The following DOCK5 variants were observed in gnomAD, a reference collection of about 807,000 sequenced individuals.
DOCK5 encodes dedicator of cytokinesis protein 5.
Under a neutral mutation model 251.8 loss-of-function variants are expected in DOCK5, and 142 were observed. The ratio of observed to expected loss-of-function variants is 0.56; its 90% CI spans 0.49 to 0.65. The LOEUF (loss-of-function observed/expected upper bound fraction) is 0.65, where lower values mean the gene tolerates loss of function less well. Among genes scored for constraint, DOCK5 ranks in the 30% least tolerant of loss-of-function variants. The probability of loss-of-function intolerance (pLI) is 0.00; values close to 1 mark genes in which losing one functional copy is unlikely to be tolerated. For missense variants in DOCK5, 2,111 were observed against 2,312.3 expected, an observed-to-expected ratio of 0.91 and a Z score of 1.79; for synonymous variants, 842 against 835.5, an observed-to-expected ratio of 1.01 and a Z score of -0.13.
chr8:25,363,381 T>C (rs185269940), intron 29 of DOCK5, among the ~76,000 whole-genome samples: 11 of 152,336 alleles, frequency 7.2e-5, no homozygotes, highest in African/African-American at 2.6e-4. Flanking sequence ...AGTGCTCTCA[T>C]GGTAATTGTC....
At chr8:25,309,986 A>G (rs531857728) in intron 12 of DOCK5, among the ~76,000 whole-genome samples, 2 of 152,334 alleles carry the variant, frequency 1.3e-5, no homozygotes, top group South Asian at 4.1e-4. Context: ...TTAAGTAGCA[A>G]GAAAATAATC....
intron 2 of DOCK5, among the ~76,000 whole-genome samples, chr8:25,254,787 ACAAAAC>A (rs1563326258): frequency 0.016 from 2,051 of 130,288 alleles, 451 homozygotes; most frequent in African/African-American, 0.064. Context: ...AAAAAACAAA[ACAAAAC>A]AAAAAAAAAA....
Position 25,210,290 on chromosome 8 carries a change from G to A in DOCK5, c.43+25339G>A, listed in dbSNP as rs1174657108. 3.0e-5 allele frequency among the ~76,000 whole-genome samples: 2 copies of A among 65,814 alleles called. 1 individual carries two copies. Among genetic ancestry groups the A allele is most frequent in the African/African-American group, 7.0e-5 (2 of 28,674 alleles). 43.2% of individuals were successfully genotyped at this position (65,814 alleles called of 152,430 possible). ...ACCTCTTGATGTGTGCATTCTAAGC[G>A]GGAAGAAACAGACAGCAAATGCACA... On this transcript the variant is annotated intron_variant, in intron 1 of 51. Coordinates refer to ENST00000276440, the MANE Select transcript of DOCK5 (RefSeq NM_024940.8).
intron 11 of DOCK5, chr8:25,304,699 G>A (rs1259047797): frequency 5.8e-6 from 1 of 172,928 alleles, no homozygotes. Context: ...CTAGCATAGG[G>A]CTTCTCAGAC....
chr8:25,369,700 C>T (rs76665924), intron 34 of DOCK5, 59 bp downstream of exon 34: 2 of 1,471,176 alleles, frequency 1.4e-6, no homozygotes, highest in Non-Finnish European at 1.9e-6. Context: ...TAGAGAAAAA[C>T]AGGGGTCCTG....
At chr8:25,309,956 A>G (rs1563197204) in intron 12 of DOCK5, among the ~76,000 whole-genome samples, 1 of 152,258 alleles carries the variant, frequency 6.6e-6, no homozygotes, top group Non-Finnish European at 1.5e-5. Context: ...TGAAAATACA[A>G]GATGGGAAAT....
At chr8:25,277,816 T>G (rs575073346) in intron 4 of DOCK5, among the ~76,000 whole-genome samples, 60 of 152,334 alleles carry the variant, frequency 3.9e-4, no homozygotes, top group African/African-American at 1.4e-3. Flanking sequence ...TTCTAAAAAA[T>G]CTTACTATAC....
chr8:25,389,247 G>A lies in DOCK5; in HGVS notation c.4273+15G>A. Reference sequence around the variant, plus strand: ...CCCCAAGCAGTGTATCCTTTCCGGGGGGAGTATGGCCCCGAGGCTCTTATG... The same window carrying A: ...CCCCAAGCAGTGTATCCTTTCCGGGAGGAGTATGGCCCCGAGGCTCTTATG... On this transcript the variant is annotated intron_variant, in intron 41 of 51. Coordinates refer to ENST00000276440, the MANE Select transcript of DOCK5 (RefSeq NM_024940.8). 6.2e-7 allele frequency: 1 copy of A among 1,611,310 alleles called. No individual in the cohort carries two copies. The highest frequency in any genetic ancestry group is 8.5e-7 in the Non-Finnish European group (1 of 1,177,914).
intron 31 of DOCK5, among the ~76,000 whole-genome samples, chr8:25,367,237 C>T (rs1800794192): frequency 6.6e-6 from 1 of 152,184 alleles, no homozygotes. Flanking sequence ...GCTTGCCCAT[C>T]CCCAAGAACA....
chr8:25,403,720 G>C lies in DOCK5; in HGVS notation c.5089G>C (p.Asp1697His), dbSNP rs1801477867. The stretch of plus-strand genomic sequence containing the variant: ...CAATGCTCCTTCCAGACCGGGATCT[G>C]ATGGGTAAGGGTTTCATCTTTAATC... ...SDNAPSRPGS[D>H]GSILEPLLER... The change falls in exon 48 of 52, where the codon GAT (aspartate) becomes CAT (histidine). Residue 1697 changes from aspartate to histidine, a missense_variant. This residue lies in a region of DOCK5 where 1,717 missense variants were observed against 1,892.4 expected (regional missense o/e 0.91). Coordinates refer to ENST00000276440, the MANE Select transcript of DOCK5 (RefSeq NM_024940.8). 1 of 1,613,778 alleles carries C rather than the reference G, an allele frequency of 6.2e-7. No individual in the cohort carries two copies.
chr8:25,338,088 G>A lies in DOCK5; in HGVS notation c.2327+1715G>A, dbSNP rs141856932. Among the ~76,000 whole-genome samples, 1,292 of 152,120 alleles carry A rather than the reference G, an allele frequency of 8.5e-3. 12 individuals are homozygous for A. The highest frequency in any genetic ancestry group is 0.011 in the Non-Finnish European group (781 of 67,992). ...AGACAGGGTCTGGCTCTGTCACCCA[G>A]GCGAGAGTTCAGTGGCATGATGTTG... On this transcript the variant is annotated intron_variant, in intron 22 of 51. Transcript: ENST00000276440.
At chr8:25,299,142 A>T in intron 8 of DOCK5, 41 bp downstream of exon 8, 9 of 1,598,608 alleles carry the variant, frequency 5.6e-6, no homozygotes, top group Non-Finnish European at 7.7e-6. Context: ...CCTAACAAAG[A>T]TACCCAGCCT....
intron 9 of DOCK5, among the ~76,000 whole-genome samples, chr8:25,300,974 A>G (rs1166204240): frequency 6.6e-6 from 1 of 151,978 alleles, no homozygotes; most frequent in Admixed American, 6.6e-5. Context: ...CCAAGGTGGG[A>G]GGATCACTTG....
chr8:25,319,763 T>C, intron 15 of DOCK5, 87 bp downstream of exon 15: 2 of 999,624 alleles, frequency 2.0e-6, no homozygotes, highest in African/African-American at 1.7e-5. Flanking sequence ...TATTCCTACT[T>C]TATTTTGAAA....
At chr8:25,267,496 T>C (rs895403687) in intron 2 of DOCK5, among the ~76,000 whole-genome samples, 5 of 152,232 alleles carry the variant, frequency 3.3e-5, no homozygotes, top group Non-Finnish European at 7.3e-5. Context: ...TTGGTTGATT[T>C]CATGTAGAAC....
At chr8:25,337,694 T>G (rs1292874093) in intron 22 of DOCK5, among the ~76,000 whole-genome samples, 2 of 151,414 alleles carry the variant, frequency 1.3e-5, no homozygotes, top group East Asian at 3.9e-4. Flanking sequence ...CAAGCGATTC[T>G]CGTGCCTCAG....
chr8:25,219,605 T>G (rs1048383738), intron 1 of DOCK5, among the ~76,000 whole-genome samples: 3 of 152,212 alleles, frequency 2.0e-5, no homozygotes, highest in African/African-American at 7.2e-5. Context: ...AATATCTCTA[T>G]TCCACCCTTC....
rs746604870 is a variant in DOCK5 at position 25,340,871 on chromosome 8, A to T, written c.2328-6A>T. Reference sequence around the variant, plus strand: ...GTCCAACTGCTTTTGTCTTTTTCCTATTAAGATTTTATGGGCAGAGCAAAG... The same window carrying T: ...GTCCAACTGCTTTTGTCTTTTTCCTTTTAAGATTTTATGGGCAGAGCAAAG... On this transcript the variant is annotated splice_polypyrimidine_tract_variant and splice_region_variant and intron_variant, in intron 22 of 51. Coordinates refer to ENST00000276440, the MANE Select transcript of DOCK5 (RefSeq NM_024940.8). 1 of 1,611,164 alleles carries T rather than the reference A, an allele frequency of 6.2e-7. No individual in the cohort carries two copies. Among genetic ancestry groups the T allele is most frequent in the Admixed American group, 1.7e-5 (1 of 59,608 alleles).
In DOCK5 at chr8:25,191,818, C is replaced by T. The variant is rs143076178; in HGVS notation, c.43+6867C>T. On this transcript the variant is annotated intron_variant, in intron 1 of 51. Coordinates refer to ENST00000276440, the MANE Select transcript of DOCK5 (RefSeq NM_024940.8). ...TAAGTTCTAGGGTACATGTGCACAA[C>T]GTGCAGTTTTGTTACATATGTATAC... Among the ~76,000 whole-genome samples the T allele has an allele frequency of 1.9e-3, 284 of 151,922 alleles. 1 individual carries two copies. Among genetic ancestry groups the T allele is most frequent in the African/African-American group, 6.5e-3 (271 of 41,436 alleles).
Sources: gnomAD v4.1 joint callset for allele counts (sites outside exome capture counted in the v4.1 genomes callset) on GRCh38, gnomAD v4.1.1 for gene constraint, gnomAD v4.1.1 regional missense constraint, MANE v1.5 for transcripts, NCBI Gene and HGNC (gene_info 2026-07-23, HGNC 2026-07-21) for gene names.